Variants in LARGE1 observed in about 807,000 individuals in gnomAD.
LARGE1 encodes LARGE xylosyl- and glucuronyltransferase 1, also known as xylosyl- and glucuronyltransferase LARGE1.
Under a neutral mutation model 87.6 loss-of-function variants are expected in LARGE1, and 43 were observed. The ratio of observed to expected loss-of-function variants is 0.49; its 90% CI spans 0.38 to 0.63. The LOEUF is 0.63. Among genes scored for constraint, LARGE1 ranks in the 30% least tolerant of loss-of-function variants. The pLI, the probability that LARGE1 is intolerant of heterozygous loss-of-function variation, is 0.00. For synonymous variants in LARGE1, 434 were observed against 394.6 expected, an observed-to-expected ratio of 1.10 and a Z score of -1.18; for missense variants, 802 against 1,000.2, an observed-to-expected ratio of 0.80 and a Z score of 2.67.
intron 1 of LARGE1, among the ~76,000 whole-genome samples, chr22:33,781,535 A>G (rs1482006099): frequency 6.6e-6 from 1 of 152,166 alleles, no homozygotes; most frequent in East Asian, 1.9e-4. Flanking sequence ...TCCAGAAACT[A>G]GTGAAAGCAA....
chr22:33,921,435 G>C (rs937937475), upstream of LARGE1, among the ~76,000 whole-genome samples: 18 of 152,276 alleles, frequency 1.2e-4, 2 homozygotes, highest in Admixed American at 1.0e-3. The surrounding 1 kb of genome is among the most constrained non-coding windows in gnomAD (Gnocchi z 4.1). Flanking sequence ...AGGCTTGCAG[G>C]ACCATGCAGC....
At chr22:33,714,809 T>C (rs920384901) in intron 2 of LARGE1, among the ~76,000 whole-genome samples, 2 of 152,156 alleles carry the variant, frequency 1.3e-5, no homozygotes, top group African/African-American at 4.8e-5. Flanking sequence ...TAAATTCCAA[T>C]CTACGCCATC....
intron 5 of LARGE1, 70 bp from the exon 6 acceptor site, chr22:33,565,089 A>C: frequency 3.6e-6 from 5 of 1,399,052 alleles, no homozygotes; most frequent in Non-Finnish European, 5.1e-6. Context: ...TCTTTGCTTA[A>C]ACATTATAAA....
chr22:33,227,272 T>C (rs1013747055), intron 11 of LARGE1, among the ~76,000 whole-genome samples: 1 of 152,202 alleles, frequency 6.6e-6, no homozygotes, highest in East Asian at 1.9e-4. Context: ...TTTGGCTCTG[T>C]AGTTAGTGCT....
At chr22:33,874,754 T>C (rs2064411938) in intron 1 of LARGE1, among the ~76,000 whole-genome samples, 1 of 152,146 alleles carries the variant, frequency 6.6e-6, no homozygotes, top group South Asian at 2.1e-4. Flanking sequence ...GGTTTCCTTG[T>C]CTGTTAAACA....
At chr22:33,093,284 G>T in the LARGE1 span, among the ~76,000 whole-genome samples, 5 of 152,194 alleles carry the variant, frequency 3.3e-5, no homozygotes, top group East Asian at 9.6e-4. Context: ...GGGTGAAAAA[G>T]AAAGGCTTCT....
intron 11 of LARGE1, among the ~76,000 whole-genome samples, chr22:33,189,809 G>A (rs1005056316): frequency 6.6e-6 from 1 of 152,086 alleles, no homozygotes; most frequent in South Asian, 2.1e-4. Flanking sequence ...AATATTCATC[G>A]CAATATGCCC....
intron 12 of LARGE1, among the ~76,000 whole-genome samples, chr22:33,297,149 T>C (rs1476619864): frequency 6.6e-6 from 1 of 152,212 alleles, no homozygotes; most frequent in Non-Finnish European, 1.5e-5. Context: ...TTTGTTCACA[T>C]GTCTGCACTC....
At chr22:33,477,877 A>C (rs2069147350) in intron 6 of LARGE1, among the ~76,000 whole-genome samples, 1 of 152,096 alleles carries the variant, frequency 6.6e-6, no homozygotes, top group Non-Finnish European at 1.5e-5. Flanking sequence ...GATCTAAAAT[A>C]CTCACCCTCT....
intron 4 of LARGE1, among the ~76,000 whole-genome samples, chr22:33,610,325 T>C (rs112981824): frequency 0.014 from 2,092 of 152,328 alleles, 51 homozygotes; most frequent in African/African-American, 0.048. Flanking sequence ...ATAAGGACAC[T>C]GAAGTCCAGT....
chr22:33,095,121 C>T, the LARGE1 span, among the ~76,000 whole-genome samples: 2 of 152,240 alleles, frequency 1.3e-5, no homozygotes, highest in Non-Finnish European at 2.9e-5. Context: ...CTCTCCTCCA[C>T]GGAGTCTATA....
the LARGE1 span, among the ~76,000 whole-genome samples, chr22:33,072,351 A>G: frequency 3.3e-5 from 5 of 152,202 alleles, no homozygotes; most frequent in Admixed American, 6.5e-5. Flanking sequence ...AGGCTGGAGC[A>G]CTTTTCTTCA....
intron 1 of LARGE1, among the ~76,000 whole-genome samples, chr22:33,806,713 T>A (rs1392636379): frequency 6.6e-6 from 1 of 152,178 alleles, no homozygotes; most frequent in Non-Finnish European, 1.5e-5. Context: ...CAGAGCTGAC[T>A]TCAAATCCTC....
the LARGE1 span, among the ~76,000 whole-genome samples, chr22:33,089,371 C>CTTCTTCTTCTTCTTCTTCTT: frequency 2.6e-5 from 2 of 76,048 alleles, no homozygotes; most frequent in Admixed American, 1.3e-4. Flanking sequence ...TTCTTCTTCT[C>CTTCTTCTTCTTCTTCTTCTT]CTTCTTCTTC....
intron 14 of LARGE1, among the ~76,000 whole-genome samples, chr22:33,276,645 T>C (rs1196554889): frequency 1.3e-5 from 2 of 152,242 alleles, no homozygotes; most frequent in Admixed American, 6.5e-5. Flanking sequence ...GATGCATCTA[T>C]TAATCTTTTA....
At chr22:33,837,261 C>T (rs932021512) in intron 1 of LARGE1, among the ~76,000 whole-genome samples, 33 of 144,810 alleles carry the variant, frequency 2.3e-4, no homozygotes, top group Non-Finnish European at 3.1e-4. Flanking sequence ...TACATATACA[C>T]ACACACACAC....
intron 2 of LARGE1, among the ~76,000 whole-genome samples, chr22:33,738,614 C>T (rs947234462): frequency 6.6e-6 from 1 of 152,188 alleles, no homozygotes; most frequent in African/African-American, 2.4e-5. Context: ...AATCCCAGCA[C>T]TTTCGGAGGC....
At position 33,689,191 on chromosome 22, in the gene LARGE1, G is replaced by A. The variant is rs28703901; in HGVS notation, c.107-38523C>T. On this transcript the variant is annotated intron_variant, in intron 2 of 14. Transcript: ENST00000397394. ...TCCCCCCTCCTGTGTGTGTATGTGT[G>A]TGTGTGTGTACACACATGTGTGTCA... 3.9e-5 allele frequency among the ~76,000 whole-genome samples: 6 copies of A among 152,058 alleles called. No individual in the cohort carries two copies. In the East Asian group the frequency reaches 1.2e-3, roughly 30 times the overall value.
chr22:33,779,623 T>C (rs1440183988), intron 1 of LARGE1, among the ~76,000 whole-genome samples: 1 of 151,856 alleles, frequency 6.6e-6, no homozygotes, highest in East Asian at 1.9e-4. Context: ...CTACTCAAAA[T>C]ACAAAAATTG....
Sources: gnomAD v4.1 joint callset for allele counts (sites outside exome capture counted in the v4.1 genomes callset) on GRCh38, gnomAD v4.1.1 for gene constraint, Gnocchi (gnomAD v3.1) non-coding constraint, MANE v1.5 for transcripts, NCBI Gene and HGNC (gene_info 2026-07-23, HGNC 2026-07-21) for gene names.